IQGAP2: variants seen among roughly 807,000 people sequenced by gnomAD.
The protein encoded by IQGAP2 is IQ motif containing GTPase activating protein 2.
In IQGAP2, 173 loss-of-function variants were observed where a neutral mutation model predicts 201.3. The ratio of observed to expected loss-of-function variants is 0.86; its 90% confidence interval spans 0.76 to 0.98. The LOEUF is 0.98. IQGAP2 is among the 50% of genes least tolerant of loss of function. The probability of loss-of-function intolerance (pLI) is 0.00; values close to 1 mark genes in which losing one functional copy is unlikely to be tolerated. For missense variants in IQGAP2, 1,687 were observed against 1,864.8 expected (o/e 0.90, Z 1.76); for synonymous variants, 675 against 673.9 (o/e 1.00, Z -0.03).
chr5:76,562,673 TG>T (rs1186151579), intron 3 of IQGAP2, 121 bp downstream of exon 3: 2 of 863,744 alleles, frequency 2.3e-6, no homozygotes, highest in African/African-American at 3.4e-5. Flanking sequence ...GGGATGTCTT[TG>T]GAGCCTGTTA....
chr5:76,682,376 C>T (rs1745379837), intron 28 of IQGAP2, among the ~76,000 whole-genome samples: 1 of 151,680 alleles, frequency 6.6e-6, no homozygotes, highest in Admixed American at 6.6e-5. Flanking sequence ...TTGTTTCAAT[C>T]TAATTAGAAA....
intron 2 of IQGAP2, among the ~76,000 whole-genome samples, chr5:76,503,151 T>C (rs987939860): frequency 6.7e-6 from 1 of 149,644 alleles, no homozygotes; most frequent in Non-Finnish European, 1.5e-5. Flanking sequence ...CTTTTAAATT[T>C]CCTTTTCTTT....
intron 24 of IQGAP2, 125 bp from the exon 25 acceptor site, chr5:76,673,324 T>G (rs1441512087): frequency 1.1e-6 from 1 of 917,286 alleles, no homozygotes; most frequent in East Asian, 2.6e-5. Flanking sequence ...TAGTAAACAT[T>G]TTGTTACTGG....
At chr5:76,701,493 G>C (rs1747384926) in intron 34 of IQGAP2, among the ~76,000 whole-genome samples, 1 of 152,184 alleles carries the variant, frequency 6.6e-6, no homozygotes, top group Admixed American at 6.5e-5. Flanking sequence ...GTAAAAGGCT[G>C]TCTTTTGGTC....
chr5:76,661,854 G>A (rs1180530711), intron 21 of IQGAP2, among the ~76,000 whole-genome samples: 1 of 152,072 alleles, frequency 6.6e-6, no homozygotes, highest in Non-Finnish European at 1.5e-5. Flanking sequence ...CTACAAAAAC[G>A]TTTATATCAT....
intron 2 of IQGAP2, among the ~76,000 whole-genome samples, chr5:76,487,192 A>G (rs1756213361): frequency 6.6e-6 from 1 of 150,530 alleles, no homozygotes; most frequent in Non-Finnish European, 1.5e-5. Context: ...TCCGCCTCCC[A>G]GGTTCAAGCA....
intron 35 of IQGAP2, among the ~76,000 whole-genome samples, chr5:76,704,927 T>C (rs1747741969): frequency 6.6e-6 from 1 of 152,206 alleles, no homozygotes; most frequent in Non-Finnish European, 1.5e-5. Context: ...TACAGCTCTA[T>C]GTCTCTTGGT....
At chr5:76,529,394 C>G (rs1257141128) in intron 2 of IQGAP2, among the ~76,000 whole-genome samples, 1 of 151,974 alleles carries the variant, frequency 6.6e-6, no homozygotes, top group African/African-American at 2.4e-5. Context: ...CTTTGGGAGG[C>G]AAAGGTGGGC....
intron 3 of IQGAP2, among the ~76,000 whole-genome samples, chr5:76,562,835 AG>A (rs1337471045): frequency 6.6e-6 from 1 of 152,170 alleles, no homozygotes; most frequent in Admixed American, 6.5e-5. Context: ...GTGCCAGTAA[AG>A]GTAAAAGTGG....
chr5:76,526,976 C>G (rs1440091847), intron 2 of IQGAP2, among the ~76,000 whole-genome samples: 1 of 152,216 alleles, frequency 6.6e-6, no homozygotes, highest in Non-Finnish European at 1.5e-5. Context: ...CTTCCTTTCT[C>G]CCTGACAGCT....
intron 3 of IQGAP2, 29 bp from the exon 4 acceptor site, chr5:76,570,551 T>C: frequency 6.6e-7 from 1 of 1,517,206 alleles, no homozygotes; most frequent in South Asian, 1.1e-5. Context: ...GTTCCTTCTC[T>C]CCCTTTTTCC....
chr5:76,435,534 A>G (rs1354909409), intron 1 of IQGAP2, among the ~76,000 whole-genome samples: 1 of 152,118 alleles, frequency 6.6e-6, no homozygotes, highest in African/African-American at 2.4e-5. Context: ...CTTATGTTCC[A>G]TTGGTCTGTG....
chr5:76,599,528 G>A (rs186841578), intron 10 of IQGAP2, among the ~76,000 whole-genome samples: 23 of 152,184 alleles, frequency 1.5e-4, no homozygotes, highest in Admixed American at 6.5e-4. Flanking sequence ...AATTATAAAC[G>A]ATTCCATTCT....
At chr5:76,582,288 G>C (rs938853714) in intron 5 of IQGAP2, among the ~76,000 whole-genome samples, 2 of 152,216 alleles carry the variant, frequency 1.3e-5, no homozygotes, top group East Asian at 3.8e-4. Context: ...TTCAGCACAG[G>C]CCTCTCAGCT....
intron 12 of IQGAP2, chr5:76,607,407 C>T (rs761557112): frequency 1.2e-4 from 18 of 152,180 alleles, no homozygotes; most frequent in Non-Finnish European, 2.1e-4. Context: ...GTGTGCTACC[C>T]TATATACGGT....
At chr5:76,700,710 G>A (rs897252789) in intron 33 of IQGAP2, among the ~76,000 whole-genome samples, 3 of 152,288 alleles carry the variant, frequency 2.0e-5, no homozygotes, top group South Asian at 4.2e-4. Context: ...GATTAAAACA[G>A]TCCTAGTAAT....
intron 2 of IQGAP2, chr5:76,510,716 A>G: frequency 1.9e-6 from 1 of 526,674 alleles, no homozygotes; most frequent in Non-Finnish European, 3.9e-6. Context: ...TGTCCATTTC[A>G]CCCTCTCGGA....
At chr5:76,562,230 TC>T (rs1244029539) in intron 2 of IQGAP2, among the ~76,000 whole-genome samples, 165 bp from the exon 3 acceptor site, 1 of 152,136 alleles carries the variant, frequency 6.6e-6, no homozygotes, top group Non-Finnish European at 1.5e-5. Context: ...ATGTTCAAAA[TC>T]CCCATTCCAC....
chr5:76,703,620 C>T (rs1453961777), intron 35 of IQGAP2, among the ~76,000 whole-genome samples: 5 of 140,252 alleles, frequency 3.6e-5, no homozygotes, highest in Admixed American at 7.3e-5. Context: ...GCCAAATACA[C>T]GTAAATGAAA....
Sources: allele counts gnomAD v4.1 joint callset (sites outside exome capture counted in the v4.1 genomes callset), GRCh38; gene constraint gnomAD v4.1.1; transcripts MANE v1.5; gene names NCBI Gene and HGNC (gene_info 2026-07-23, HGNC 2026-07-21).